GRID1: variants seen among roughly 807,000 people sequenced by gnomAD.
GRID1 encodes the protein glutamate receptor ionotropic, delta-1.
A neutral mutation model predicts 98.0 loss-of-function variants in GRID1; 28 were observed. The observed-to-expected ratio is 0.29, with a 90% confidence interval of 0.21 to 0.39. The LOEUF (loss-of-function observed/expected upper bound fraction) is 0.39. GRID1 is among the 10% of genes least tolerant of loss of function. GRID1 has a pLI of 1.00. For missense variants in GRID1, 1,111 were observed against 1,340.5 expected, an observed-to-expected ratio of 0.83 and a Z score of 2.67; for synonymous variants, 553 against 538.5, an observed-to-expected ratio of 1.03 and a Z score of -0.37.
chr10:85,615,977 C>G (rs1434687006), intron 14 of GRID1, among the ~76,000 whole-genome samples: 2 of 152,188 alleles, frequency 1.3e-5, no homozygotes, highest in African/African-American at 2.4e-5. Context: ...ATTTAGCTCT[C>G]TCATCACTAA....
At chr10:86,070,492 C>T (rs942388114) in intron 4 of GRID1, among the ~76,000 whole-genome samples, 11 of 152,160 alleles carry the variant, frequency 7.2e-5, no homozygotes, top group Admixed American at 2.0e-4. Flanking sequence ...GCACCAGATG[C>T]CTTTTCCTGA....
chr10:86,170,533 G>C (rs1052207808), intron 3 of GRID1, among the ~76,000 whole-genome samples: 1 of 152,234 alleles, frequency 6.6e-6, no homozygotes, highest in African/African-American at 2.4e-5. Context: ...TCTCCCTGCT[G>C]GGCCTGCCCA....
rs573589337 is a variant in GRID1 at position 86,352,281 on chromosome 10, C to T, written c.235+11660G>A. ...CCTAAGAAGGCAGGGCTGGTCCACG[C>T]TCCCTCAGGCAGTCAGTGCCTGGCC... On this transcript the variant is annotated intron_variant, in intron 2 of 15. Coordinates refer to ENST00000327946, the MANE Select transcript of GRID1 (RefSeq NM_017551.3). 2.0e-5 allele frequency among the ~76,000 whole-genome samples: 3 copies of T among 152,346 alleles called. No homozygotes were observed. The South Asian group carries it at 6.2e-4, about 32-fold the overall frequency.
At chr10:86,154,841 G>C (rs1845222134) in intron 3 of GRID1, among the ~76,000 whole-genome samples, 1 of 152,128 alleles carries the variant, frequency 6.6e-6, no homozygotes, top group Admixed American at 6.5e-5. Context: ...CTCTCCGGGA[G>C]CAAAACCAGG....
At position 85,640,322 on chromosome 10, in the gene GRID1, C is replaced by T. The variant is rs78686374; in HGVS notation, c.2193+6880G>A. Among the ~76,000 whole-genome samples, 346 of 152,326 alleles carry T rather than the reference C, an allele frequency of 2.3e-3. 4 individuals are homozygous for T. The East Asian group carries it at 0.049, about 22-fold the overall frequency. On this transcript the variant is annotated intron_variant, in intron 13 of 15. Coordinates refer to ENST00000327946, the MANE Select transcript of GRID1 (RefSeq NM_017551.3). ...TTACAAAATCCCCAATCCATACTCA[C>T]GTGGAAGCAGAGAAAGAACAGAATT...
chr10:86,154,008 G>A (rs567860680), intron 3 of GRID1, among the ~76,000 whole-genome samples: 89 of 152,286 alleles, frequency 5.8e-4, no homozygotes, highest in Non-Finnish European at 1.1e-3. Context: ...TGGACTGGAC[G>A]GTGGAGCCAT....
intron 8 of GRID1, among the ~76,000 whole-genome samples, chr10:85,844,981 T>C (rs1842993300): frequency 6.6e-6 from 1 of 151,868 alleles, no homozygotes; most frequent in South Asian, 2.1e-4. Context: ...AATTATGTAG[T>C]AAACATATTA....
intron 4 of GRID1, among the ~76,000 whole-genome samples, chr10:86,128,328 A>G (rs1844783841): frequency 6.6e-6 from 1 of 152,084 alleles, no homozygotes; most frequent in South Asian, 2.1e-4. Flanking sequence ...CCATGTACCC[A>G]GGGCTTCTTG....
chr10:85,755,435 G>A (rs1842087363), intron 8 of GRID1, among the ~76,000 whole-genome samples: 1 of 152,190 alleles, frequency 6.6e-6, no homozygotes, highest in Non-Finnish European at 1.5e-5. Flanking sequence ...GCGTCCAAGG[G>A]AACAAAACAG....
At chr10:86,210,001 A>G (rs1485458360) in intron 2 of GRID1, among the ~76,000 whole-genome samples, 1 of 152,134 alleles carries the variant, frequency 6.6e-6, no homozygotes, top group African/African-American at 2.4e-5. Flanking sequence ...CCCCTGCCCT[A>G]AGCACTGTCA....
intron 12 of GRID1, among the ~76,000 whole-genome samples, chr10:85,678,839 T>C (rs957565120): frequency 6.6e-6 from 1 of 152,174 alleles, no homozygotes; most frequent in African/African-American, 2.4e-5. Flanking sequence ...CCCTCACTTC[T>C]GCAACTTTGG....
chr10:86,243,781 T>C (rs530891419), intron 2 of GRID1, among the ~76,000 whole-genome samples: 3 of 152,342 alleles, frequency 2.0e-5, no homozygotes, highest in African/African-American at 7.2e-5. Flanking sequence ...CCTTCCAGTC[T>C]GATTCTGGCC....
intron 12 of GRID1, among the ~76,000 whole-genome samples, chr10:85,684,568 A>G (rs1841247433): frequency 1.3e-5 from 2 of 152,244 alleles, no homozygotes; most frequent in South Asian, 4.1e-4. Context: ...TCTTAGCTTC[A>G]TAGAAATGAA....
chr10:85,628,017 G>GT (rs1491471853), intron 13 of GRID1, among the ~76,000 whole-genome samples: 1 of 141,702 alleles, frequency 7.1e-6, no homozygotes, highest in Non-Finnish European at 1.6e-5. Context: ...GAGTGTGAGC[G>GT]TGTGTGTGTG....
At chr10:85,846,999 A>G (rs1843012572) in intron 8 of GRID1, among the ~76,000 whole-genome samples, 1 of 152,244 alleles carries the variant, frequency 6.6e-6, no homozygotes, top group African/African-American at 2.4e-5. Flanking sequence ...CCATGTTATG[A>G]AAAGAGCACA....
intron 8 of GRID1, among the ~76,000 whole-genome samples, chr10:85,832,136 G>A (rs1308000498): frequency 6.6e-6 from 1 of 151,962 alleles, no homozygotes; most frequent in Non-Finnish European, 1.5e-5. Context: ...ACTGACTCAA[G>A]AAATAATATA....
chr10:86,300,298 T>A (rs879196192), intron 2 of GRID1, among the ~76,000 whole-genome samples: 1 of 151,618 alleles, frequency 6.6e-6, no homozygotes, highest in African/African-American at 2.4e-5. Flanking sequence ...AAATTTGATA[T>A]GGTAGCCCTA....
chr10:85,941,412 A>G (rs1201552258), intron 4 of GRID1, among the ~76,000 whole-genome samples: 1 of 152,262 alleles, frequency 6.6e-6, no homozygotes, highest in Non-Finnish European at 1.5e-5. Context: ...ATATATGCAT[A>G]TCTATATGCT....
intron 8 of GRID1, among the ~76,000 whole-genome samples, chr10:85,769,372 G>A (rs189251564): frequency 6.6e-5 from 10 of 152,288 alleles, no homozygotes; most frequent in East Asian, 1.9e-4. Context: ...GAACAGCTCC[G>A]GTCTACAGCT....
Sources: allele counts gnomAD v4.1 joint callset (sites outside exome capture counted in the v4.1 genomes callset), GRCh38; gene constraint gnomAD v4.1.1; transcripts MANE v1.5; gene names NCBI Gene and HGNC (gene_info 2026-07-23, HGNC 2026-07-21).